The following GMDS variants were observed in gnomAD, a reference collection of about 807,000 sequenced individuals.
GMDS encodes the protein GDP-mannose 4,6 dehydratase.
Under a neutral mutation model 49.9 loss-of-function variants are expected in GMDS, and 20 were observed. That is an observed-to-expected ratio of 0.40 (90% CI 0.28 to 0.58). GMDS has a LOEUF of 0.58. GMDS is among the 20% of genes least tolerant of loss of function. The pLI, the probability that GMDS is intolerant of heterozygous loss-of-function variation, is 0.42. For synonymous variants in GMDS, 177 were observed against 178.6 expected, an observed-to-expected ratio of 0.99 and a Z score of 0.07; for missense variants, 362 against 481.4, an observed-to-expected ratio of 0.75 and a Z score of 2.32.
intron 9 of GMDS, among the ~76,000 whole-genome samples, chr6:1,646,440 A>C (rs912806344): frequency 2.0e-5 from 3 of 152,204 alleles, no homozygotes; most frequent in Non-Finnish European, 4.4e-5. Flanking sequence ...GTGTTTTGAG[A>C]CAGGGTCTGG....
At chr6:1,817,620 C>A (rs994287181) in intron 7 of GMDS, among the ~76,000 whole-genome samples, 1 of 152,108 alleles carries the variant, frequency 6.6e-6, no homozygotes, top group African/African-American at 2.4e-5. Context: ...TATAAAAGTA[C>A]AAACAAGTTC....
chr6:2,142,537 C>T (rs1306139882), intron 1 of GMDS, among the ~76,000 whole-genome samples: 1 of 152,138 alleles, frequency 6.6e-6, no homozygotes, highest in Non-Finnish European at 1.5e-5. Flanking sequence ...GCCAGAAAAC[C>T]ACCAGCGGCA....
chr6:2,110,307 T>C (rs1774476107), intron 4 of GMDS, among the ~76,000 whole-genome samples: 1 of 145,618 alleles, frequency 6.9e-6, no homozygotes, highest in Non-Finnish European at 1.5e-5. Flanking sequence ...GGGTCAGCTA[T>C]TAAGGTACGG....
chr6:2,005,740 C>T (rs11242729), intron 4 of GMDS, among the ~76,000 whole-genome samples: 70,779 of 151,980 alleles, frequency 0.47, 16,791 homozygotes, highest in African/African-American at 0.55. Flanking sequence ...AGATATCCAA[C>T]TTCCAGACTC....
At chr6:1,737,433 T>C (rs1434267014) in intron 8 of GMDS, among the ~76,000 whole-genome samples, 1 of 151,958 alleles carries the variant, frequency 6.6e-6, no homozygotes, top group African/African-American at 2.4e-5. Context: ...TAAGTTGATG[T>C]GAAAGGAAAA....
intron 7 of GMDS, among the ~76,000 whole-genome samples, chr6:1,913,188 C>T (rs927960176): frequency 2.0e-3 from 307 of 151,568 alleles, no homozygotes; most frequent in African/African-American, 5.9e-3. Context: ...GAGACCATCC[C>T]GGCTAAAACG....
At chr6:1,735,447 A>G (rs1470921557) in intron 8 of GMDS, among the ~76,000 whole-genome samples, 1 of 152,224 alleles carries the variant, frequency 6.6e-6, no homozygotes, top group Non-Finnish European at 1.5e-5. Flanking sequence ...GGCACCTAGC[A>G]CAGACTAGGT....
chr6:1,797,037 G>T (rs926580197), intron 7 of GMDS, among the ~76,000 whole-genome samples: 1 of 152,236 alleles, frequency 6.6e-6, no homozygotes, highest in African/African-American at 2.4e-5. Flanking sequence ...CCAGGGACCA[G>T]TACCAGTATA....
At chr6:1,656,263 G>A (rs1213074839) in intron 9 of GMDS, among the ~76,000 whole-genome samples, 2 of 152,168 alleles carry the variant, frequency 1.3e-5, no homozygotes, top group Non-Finnish European at 1.5e-5. Context: ...CGGTGTTTGA[G>A]CCTTTGAAAT....
chr6:1,844,208 C>T (rs1315935342), intron 7 of GMDS, among the ~76,000 whole-genome samples: 1 of 152,078 alleles, frequency 6.6e-6, no homozygotes, highest in African/African-American at 2.4e-5. Context: ...GGTTTATATG[C>T]AAGTTTGTCT....
chr6:1,822,253 G>A (rs1238315042), intron 7 of GMDS, among the ~76,000 whole-genome samples: 1 of 152,186 alleles, frequency 6.6e-6, no homozygotes, highest in Non-Finnish European at 1.5e-5. Context: ...ATTACTTAAT[G>A]TGAATGCATT....
rs192116503 is a variant in GMDS, at chr6:2,159,227, G to T, written c.103-34496C>A. On this transcript the variant is annotated intron_variant, in intron 1 of 10. Coordinates refer to ENST00000380815, the MANE Select transcript of GMDS (RefSeq NM_001500.4). ...CCCTTGAACAATGTGAGGGGGAGGA[G>T]ACAGAGGGGTACCGACCTCCTGTGC... Among the ~76,000 whole-genome samples, 397 of 152,218 alleles carry T rather than the reference G, an allele frequency of 2.6e-3. 2 individuals are homozygous for T. The highest frequency in any genetic ancestry group is 4.1e-3 in the Non-Finnish European group (280 of 68,012).
intron 4 of GMDS, among the ~76,000 whole-genome samples, chr6:1,963,605 C>G (rs1764094994): frequency 6.6e-6 from 1 of 152,144 alleles, no homozygotes; most frequent in African/African-American, 2.4e-5. Context: ...AGATGGATAT[C>G]TAGTTGTCCC....
chr6:1,816,285 C>T (rs1770669712), intron 7 of GMDS, among the ~76,000 whole-genome samples: 1 of 152,226 alleles, frequency 6.6e-6, no homozygotes, highest in Admixed American at 6.5e-5. Context: ...TTAATTATCT[C>T]ATCTTTGTAC....
intron 5 of GMDS, among the ~76,000 whole-genome samples, chr6:1,960,373 CT>C (rs3839606): frequency 1.7e-4 from 26 of 150,542 alleles, no homozygotes; most frequent in Admixed American, 1.7e-3. Context: ...ACACAATAGT[CT>C]TTTTTTTTGA....
intron 7 of GMDS, among the ~76,000 whole-genome samples, chr6:1,912,060 T>C (rs893290730): frequency 2.5e-4 from 38 of 152,202 alleles, no homozygotes; most frequent in African/African-American, 8.9e-4. Flanking sequence ...CGACCATTTC[T>C]GATCACTAAA....
At chr6:1,632,515 C>T (rs2179563) in intron 9 of GMDS, among the ~76,000 whole-genome samples, 5 of 152,116 alleles carry the variant, frequency 3.3e-5, no homozygotes, top group Admixed American at 6.5e-5. Context: ...AGAGTGTGTG[C>T]GTTTGTCAGA....
At chr6:1,790,252 T>C (rs953006208) in intron 7 of GMDS, among the ~76,000 whole-genome samples, 4 of 152,050 alleles carry the variant, frequency 2.6e-5, no homozygotes, top group South Asian at 2.1e-4. Flanking sequence ...GCCCCTCTTC[T>C]CAAAAAGAAG....
intron 7 of GMDS, among the ~76,000 whole-genome samples, chr6:1,812,471 G>A (rs1213364505): frequency 6.6e-6 from 1 of 151,960 alleles, no homozygotes; most frequent in Non-Finnish European, 1.5e-5. Context: ...AGGAAACTCA[G>A]GAGGAGGATC....
Sources: gnomAD v4.1 joint callset for allele counts (sites outside exome capture counted in the v4.1 genomes callset) on GRCh38, gnomAD v4.1.1 for gene constraint, MANE v1.5 for transcripts, NCBI Gene and HGNC (gene_info 2026-07-23, HGNC 2026-07-21) for gene names.